The following ULK4 variants were observed in gnomAD, a reference collection of about 807,000 sequenced individuals.
ULK4 encodes inactive serine/threonine-protein kinase ULK4.
A neutral mutation model predicts 160.6 loss-of-function variants in ULK4; 133 were observed. The ratio of observed to expected loss-of-function variants is 0.83; its 90% confidence interval spans 0.72 to 0.96. The LOEUF is 0.96. Among genes scored for constraint, ULK4 ranks in the 40% least tolerant of loss-of-function variants. The pLI is 0.00. For synonymous variants in ULK4, 534 were observed against 539.8 expected, an observed-to-expected ratio of 0.99 and a Z score of 0.15; for missense variants, 1,580 against 1,499.5, an observed-to-expected ratio of 1.05 and a Z score of -0.89.
At chr3:41,344,001 A>G (rs2080745240) in intron 35 of ULK4, among the ~76,000 whole-genome samples, 1 of 152,226 alleles carries the variant, frequency 6.6e-6, no homozygotes. Context: ...ATGGAACCAA[A>G]AAGAACCCAA....
chr3:41,474,722 A>C, intron 32 of ULK4, among the ~76,000 whole-genome samples: 1 of 150,730 alleles, frequency 6.6e-6, no homozygotes, highest in African/African-American at 2.5e-5. Flanking sequence ...GAAGACATAC[A>C]AATGGCCACG....
intron 35 of ULK4, among the ~76,000 whole-genome samples, chr3:41,285,057 C>A (rs571577290): frequency 1.1e-4 from 16 of 152,240 alleles, no homozygotes; most frequent in African/African-American, 3.6e-4. Flanking sequence ...CTTACTCCTG[C>A]AAGAATGGCC....
At chr3:41,707,792 C>A (rs1425656915) in intron 25 of ULK4, among the ~76,000 whole-genome samples, 1 of 151,574 alleles carries the variant, frequency 6.6e-6, no homozygotes, top group Non-Finnish European at 1.5e-5. Context: ...GGTATCCCTG[C>A]ACTCCAGCCT....
At chr3:41,276,459 G>A (rs1008289900) in intron 35 of ULK4, among the ~76,000 whole-genome samples, 11 of 152,272 alleles carry the variant, frequency 7.2e-5, no homozygotes, top group African/African-American at 1.9e-4. Context: ...CACCCTTCAC[G>A]AGGCTGAGAG....
At chr3:41,652,433 C>A (rs1042291144) in intron 30 of ULK4, among the ~76,000 whole-genome samples, 1 of 152,064 alleles carries the variant, frequency 6.6e-6, no homozygotes, top group Non-Finnish European at 1.5e-5. Context: ...TATGTAAAGA[C>A]CTGGGTTTGT....
intron 19 of ULK4, 129 bp from the exon 20 acceptor site, chr3:41,800,422 G>A (rs1296325464): frequency 8.6e-6 from 7 of 810,470 alleles, no homozygotes; most frequent in African/African-American, 1.8e-5. Context: ...GGCAACTTGG[G>A]AGGAATGATA....
intron 5 of ULK4, among the ~76,000 whole-genome samples, chr3:41,922,297 G>A (rs1488421968): frequency 1.3e-5 from 2 of 152,154 alleles, no homozygotes; most frequent in Admixed American, 6.5e-5. Flanking sequence ...ACACCAGCCT[G>A]GACAGCACAG....
At chr3:41,619,503 T>C (rs2033139321) in intron 30 of ULK4, among the ~76,000 whole-genome samples, 1 of 152,136 alleles carries the variant, frequency 6.6e-6, no homozygotes, top group Non-Finnish European at 1.5e-5. Context: ...CTGAACAACC[T>C]GCTCCTGAAC....
At chr3:41,401,893 T>G (rs925039862) in intron 34 of ULK4, among the ~76,000 whole-genome samples, 44 of 152,194 alleles carry the variant, frequency 2.9e-4, no homozygotes, top group African/African-American at 1.0e-3. Flanking sequence ...TTGTGTGATA[T>G]ACTGGAAAAA....
chr3:41,887,892 G>A (rs1324748993), intron 16 of ULK4, among the ~76,000 whole-genome samples: 1 of 151,730 alleles, frequency 6.6e-6, no homozygotes, highest in Non-Finnish European at 1.5e-5. Context: ...GCCAGGTAAA[G>A]TGACTCACAT....
chr3:41,751,483 A>G (rs1344025004), intron 22 of ULK4, among the ~76,000 whole-genome samples: 1 of 151,534 alleles, frequency 6.6e-6, no homozygotes, highest in Non-Finnish European at 1.5e-5. Context: ...CACTTTCCAG[A>G]CCCTCTCTCT....
intron 25 of ULK4, among the ~76,000 whole-genome samples, chr3:41,709,816 A>G (rs907618166): frequency 2.0e-5 from 3 of 152,208 alleles, no homozygotes; most frequent in African/African-American, 4.8e-5. Flanking sequence ...AGAAACTCAG[A>G]GAGAGAGATC....
chr3:41,647,500 G>C (rs922739353), intron 30 of ULK4, among the ~76,000 whole-genome samples: 29 of 152,344 alleles, frequency 1.9e-4, no homozygotes, highest in African/African-American at 6.7e-4. Flanking sequence ...GGTGGCTGCA[G>C]AACAGCGGAT....
intron 22 of ULK4, among the ~76,000 whole-genome samples, chr3:41,721,296 C>A (rs2037450846): frequency 1.9e-5 from 1 of 53,734 alleles, no homozygotes; most frequent in Non-Finnish European, 3.2e-5. Flanking sequence ...GGTTTTGAAC[C>A]ATGAGTATGT....
intron 32 of ULK4, among the ~76,000 whole-genome samples, chr3:41,484,015 C>T (rs2084418072): frequency 1.3e-5 from 2 of 152,126 alleles, no homozygotes; most frequent in African/African-American, 4.8e-5. Flanking sequence ...GGACTTCTGA[C>T]CTCCAGAAGC....
intron 22 of ULK4, among the ~76,000 whole-genome samples, chr3:41,721,360 A>ATTTTT (rs1284559320): frequency 1.6e-4 from 8 of 51,480 alleles, no homozygotes; most frequent in African/African-American, 7.4e-4. Flanking sequence ...ATATATATAT[A>ATTTTT]TATTTTTTTT....
chr3:41,795,390 G>A (rs2040273141), intron 20 of ULK4, among the ~76,000 whole-genome samples: 1 of 152,102 alleles, frequency 6.6e-6, no homozygotes, highest in Non-Finnish European at 1.5e-5. Context: ...GTAAAGAGGG[G>A]AGTTTAATCT....
At chr3:41,564,746 A>T (rs2087729027) in intron 32 of ULK4, among the ~76,000 whole-genome samples, 1 of 151,888 alleles carries the variant, frequency 6.6e-6, no homozygotes, top group Non-Finnish European at 1.5e-5. Flanking sequence ...AGCGTGAGCC[A>T]CTGCACCCGG....
chr3:41,481,826 C>CAAAAAAA (rs71616009), intron 32 of ULK4, among the ~76,000 whole-genome samples: 1 of 66,850 alleles, frequency 1.5e-5, no homozygotes. Flanking sequence ...GACTCCGTCT[C>CAAAAAAA]AAAAAAAAAA....
Sources: gnomAD v4.1 joint callset for allele counts (sites outside exome capture counted in the v4.1 genomes callset) on GRCh38, gnomAD v4.1.1 for gene constraint, MANE v1.5 for transcripts, NCBI Gene and HGNC (gene_info 2026-07-23, HGNC 2026-07-21) for gene names.